Variants in BRDT observed in about 807,000 individuals in gnomAD.
BRDT encodes the protein bromodomain testis-specific protein.
BRDT carries 77 observed loss-of-function variants against 113.9 expected under a neutral mutation model. The ratio of observed to expected loss-of-function variants is 0.68; its 90% confidence interval spans 0.56 to 0.82. The LOEUF is 0.82. BRDT is among the 40% of genes least tolerant of loss of function. BRDT has a pLI of 0.00. For missense variants in BRDT, 1,027 were observed against 1,105.4 expected (o/e 0.93, Z 1.01); for synonymous variants, 358 against 366.5 (o/e 0.98, Z 0.26).
intron 5 of BRDT, 83 bp from the exon 6 acceptor site, chr1:91,976,960 C>T: frequency 1.8e-6 from 2 of 1,089,366 alleles, no homozygotes; most frequent in South Asian, 2.0e-5. Context: ...ATAATCTTTC[C>T]CTTTTTTTCT....
chr1:91,953,516 C>A (rs1033540640), intron 1 of BRDT, among the ~76,000 whole-genome samples: 2 of 151,904 alleles, frequency 1.3e-5, no homozygotes, highest in African/African-American at 4.8e-5. Flanking sequence ...CCCGTCTCTA[C>A]TAAAAATACA....
In BRDT at chr1:91,964,878, C is replaced by CGTGT. The variant is rs59328937; in HGVS notation, c.330+137_330+140dup. On this transcript the variant is annotated intron_variant, in intron 3 of 18. Transcript: ENST00000399546. ...AATTCTCTTCGTTTGAGATACTTGA[C>CGTGT]GTGTGTGTGTGTGTGTGTGTGTGTG... 1.1e-3 allele frequency: 384 copies of CGTGT among 344,250 alleles called. 1 individual carries two copies. Among genetic ancestry groups the CGTGT allele is most frequent in the East Asian group, 6.4e-3 (145 of 22,484 alleles). 21.3% of individuals were successfully genotyped at this position (344,250 alleles called of 1,614,324 possible).
chr1:92,003,399 G>A (rs555930533), intron 16 of BRDT, among the ~76,000 whole-genome samples: 14 of 152,198 alleles, frequency 9.2e-5, no homozygotes, highest in African/African-American at 2.9e-4. Context: ...TTTTAGTATT[G>A]CACAGCCCTC....
At chr1:91,992,170 T>C (rs1335784901) in intron 13 of BRDT, 94 bp from the exon 14 acceptor site, 4 of 608,018 alleles carry the variant, frequency 6.6e-6, no homozygotes, top group Non-Finnish European at 1.0e-5. Flanking sequence ...TAAATAATAC[T>C]GTCTTAAAAG....
chr1:92,012,759 G>A (rs1448091950), intron 18 of BRDT, among the ~76,000 whole-genome samples: 1 of 151,250 alleles, frequency 6.6e-6, no homozygotes, highest in Admixed American at 6.6e-5. Context: ...AAAACTACAA[G>A]ATTAGTTGGG....
At chr1:91,982,319 G>A (rs1261608986) in intron 12 of BRDT, among the ~76,000 whole-genome samples, 2 of 152,016 alleles carry the variant, frequency 1.3e-5, no homozygotes, top group East Asian at 3.8e-4. Flanking sequence ...CAGATTCTCA[G>A]CTATGCTCAA....
intron 1 of BRDT, among the ~76,000 whole-genome samples, chr1:91,953,660 A>T (rs1681385926): frequency 6.6e-6 from 1 of 152,196 alleles, no homozygotes. Context: ...AGCCTGGGTG[A>T]CAGCAAGAAA....
chr1:91,995,332 A>G (rs1686196260), intron 15 of BRDT, among the ~76,000 whole-genome samples: 2 of 152,096 alleles, frequency 1.3e-5, no homozygotes, highest in South Asian at 4.1e-4. Context: ...TTGCTGCAAC[A>G]CAGATTAGGA....
chr1:92,014,072 A>G (rs1288976862), intron 18 of BRDT, 134 bp from the exon 19 acceptor site: 21 of 586,726 alleles, frequency 3.6e-5, no homozygotes, highest in Non-Finnish European at 5.2e-5. Context: ...ACCTGAGAAA[A>G]TAAAAATTAA....
chr1:91,979,459 AAG>A, intron 7 of BRDT, 108 bp from the exon 8 acceptor site: 1 of 1,104,510 alleles, frequency 9.1e-7, no homozygotes, highest in Non-Finnish European at 1.3e-6. Context: ...TAAAGGAAAA[AAG>A]AATTCTGGTC....
chr1:91,980,270 G>A (rs1315085571), intron 8 of BRDT, among the ~76,000 whole-genome samples: 6 of 152,092 alleles, frequency 3.9e-5, no homozygotes, highest in African/African-American at 1.2e-4. Flanking sequence ...CGAGGCAGGA[G>A]GATCACTTGA....
chr1:92,008,955 C>T (rs988290877), intron 18 of BRDT, among the ~76,000 whole-genome samples: 1 of 152,172 alleles, frequency 6.6e-6, no homozygotes, highest in Non-Finnish European at 1.5e-5. Context: ...TGTATCACCT[C>T]ACCTTTTGTG....
chr1:91,995,674 G>A (rs1686257595), intron 15 of BRDT, among the ~76,000 whole-genome samples: 1 of 145,538 alleles, frequency 6.9e-6, no homozygotes, highest in South Asian at 2.2e-4. Context: ...TTTCATTCTT[G>A]TTGCCCAGGG....
At chr1:92,009,088 A>G (rs1487560371) in intron 18 of BRDT, among the ~76,000 whole-genome samples, 1 of 152,160 alleles carries the variant, frequency 6.6e-6, no homozygotes, top group Non-Finnish European at 1.5e-5. Context: ...GAAAGTTTGT[A>G]TTCCTTGAAT....
chr1:91,983,550 G>C (rs1380878945), intron 12 of BRDT, among the ~76,000 whole-genome samples: 1 of 151,968 alleles, frequency 6.6e-6, no homozygotes, highest in African/African-American at 2.4e-5. Context: ...CACCACGCCT[G>C]GCCTAGAATT....
At chr1:91,991,991 C>CAAAAA (rs764759925) in intron 13 of BRDT, among the ~76,000 whole-genome samples, 62 of 67,752 alleles carry the variant, frequency 9.2e-4, no homozygotes, top group East Asian at 2.3e-3. Context: ...GACTCTGTCT[C>CAAAAA]AAAAAAAAAA....
intron 4 of BRDT, among the ~76,000 whole-genome samples, chr1:91,975,533 A>G (rs1684052079): frequency 6.6e-6 from 1 of 152,222 alleles, no homozygotes; most frequent in Non-Finnish European, 1.5e-5. Context: ...GCCTTGGGCC[A>G]GAGTGAATGC....
chr1:91,965,559 A>G (rs1317063231), intron 3 of BRDT, among the ~76,000 whole-genome samples: 1 of 152,096 alleles, frequency 6.6e-6, no homozygotes, highest in African/African-American at 2.4e-5. Flanking sequence ...TAAAGATCAG[A>G]TATGTTCTGG....
chr1:92,004,387 A>G (rs1687107154), intron 16 of BRDT, 27 bp from the exon 17 acceptor site: 4 of 1,558,572 alleles, frequency 2.6e-6, no homozygotes, highest in South Asian at 1.2e-5. Context: ...ATCTGTAGAC[A>G]TAGACTGAAC....
Sources: allele counts gnomAD v4.1 joint callset (sites outside exome capture counted in the v4.1 genomes callset), GRCh38; gene constraint gnomAD v4.1.1; transcripts MANE v1.5; gene names NCBI Gene and HGNC (gene_info 2026-07-23, HGNC 2026-07-21).